DGKB: variants seen among roughly 807,000 people sequenced by gnomAD.
DGKB encodes the protein 90 kDa diacylglycerol kinase.
DGKB carries 67 observed loss-of-function variants against 114.3 expected under a neutral mutation model. The observed-to-expected ratio is 0.59, with a 90% CI of 0.48 to 0.72. The LOEUF (loss-of-function observed/expected upper bound fraction) is 0.72. Among genes scored for constraint, DGKB ranks in the 30% least tolerant of loss-of-function variants. DGKB has a pLI of 0.00. For synonymous variants in DGKB, 398 were observed against 323.1 expected (o/e 1.23, Z -2.49); for missense variants, 907 against 975.2 (o/e 0.93, Z 0.93).
intron 1 of DGKB, among the ~76,000 whole-genome samples, chr7:14,887,402 T>C (rs572710029): frequency 1.3e-5 from 2 of 151,834 alleles, no homozygotes; most frequent in Non-Finnish European, 2.9e-5. Context: ...CAGATTTCTC[T>C]ACCTCTTCTC....
rs151047030 is a variant in DGKB at position 14,758,920 on chromosome 7, G to C, written c.71-1189C>G. ...AGATAGATAGATAGATAGATAGATA[G>C]ATAGATAGATAGATACATAGATAGA... On this transcript the variant is annotated intron_variant, in intron 2 of 25. Coordinates refer to ENST00000402815, the MANE Select transcript of DGKB (RefSeq NM_001350709.2). Among the ~76,000 whole-genome samples the C allele has an allele frequency of 3.8e-5, 5 of 131,816 alleles. No homozygotes were observed. In the East Asian group the frequency reaches 8.7e-4, roughly 23 times the overall value. The allele number at this position is 131,816 out of a possible 152,430, so 86.5% of individuals were successfully genotyped here. A position where few individuals can be genotyped will look rare whatever the true frequency, so the allele number is the denominator to read the frequency against.
chr7:14,629,638 C>G (rs1205791090), intron 14 of DGKB, among the ~76,000 whole-genome samples: 1 of 151,944 alleles, frequency 6.6e-6, no homozygotes, highest in Non-Finnish European at 1.5e-5. Flanking sequence ...TTTGCATCAT[C>G]AATGCAAAGG....
upstream of DGKB, among the ~76,000 whole-genome samples, chr7:14,907,839 T>C (rs928574662): frequency 6.6e-6 from 1 of 152,154 alleles, no homozygotes; most frequent in Non-Finnish European, 1.5e-5. Context: ...CAATGATAAG[T>C]AATATTAATT....
chr7:14,314,664 C>T (rs1209391699), intron 23 of DGKB, among the ~76,000 whole-genome samples: 19 of 152,042 alleles, frequency 1.2e-4, no homozygotes, highest in Admixed American at 1.2e-3. Context: ...GACTGGTGTA[C>T]CTGAAAGTGA....
chr7:14,808,612 T>TA (rs1347066629), intron 2 of DGKB, among the ~76,000 whole-genome samples: 2 of 151,870 alleles, frequency 1.3e-5, no homozygotes, highest in African/African-American at 4.8e-5. Flanking sequence ...AATAATTGGG[T>TA]AAAAAATGAA....
chr7:14,601,828 T>A (rs1233328823), intron 17 of DGKB, among the ~76,000 whole-genome samples: 2 of 152,186 alleles, frequency 1.3e-5, no homozygotes, highest in Non-Finnish European at 2.9e-5. Context: ...GAAACCTCAT[T>A]ACAATGGCCT....
At chr7:14,457,695 T>C (rs112473080) in intron 21 of DGKB, among the ~76,000 whole-genome samples, 2 of 152,198 alleles carry the variant, frequency 1.3e-5, no homozygotes, top group African/African-American at 4.8e-5. Context: ...GTTCATCAAA[T>C]GGGATCAAAA....
intron 13 of DGKB, among the ~76,000 whole-genome samples, chr7:14,670,283 C>CTA (rs35058432): frequency 0.34 from 49,106 of 146,464 alleles, 8,597 homozygotes; most frequent in East Asian, 0.82. Context: ...GTATGTTATA[C>CTA]TATATATATA....
At position 14,227,007 on chromosome 7, in the gene DGKB, G is replaced by T. The variant is rs76633076; in HGVS notation, c.2123-48856C>A. Among the ~76,000 whole-genome samples the T allele has an allele frequency of 5.8e-3, 889 of 152,034 alleles. 6 individuals are homozygous for T. The highest frequency in any genetic ancestry group is 0.021 in the African/African-American group (858 of 41,502). On this transcript the variant is annotated intron_variant, in intron 23 of 25. Transcript: ENST00000402815. ...CTCACCTCCACCTTCTAAGTAACTGGGACTACAGGTGCCCGCACCGCACCA... is the reference window on the plus strand; with the variant it reads ...CTCACCTCCACCTTCTAAGTAACTGTGACTACAGGTGCCCGCACCGCACCA...
chr7:14,525,475 A>T (rs1212830566), intron 20 of DGKB, among the ~76,000 whole-genome samples: 2 of 152,204 alleles, frequency 1.3e-5, no homozygotes, highest in Non-Finnish European at 2.9e-5. Context: ...AAAGAGTGTT[A>T]TCAAGTTGTC....
At chr7:14,457,912 C>T (rs1338471988) in intron 21 of DGKB, among the ~76,000 whole-genome samples, 1 of 152,178 alleles carries the variant, frequency 6.6e-6, no homozygotes, top group Non-Finnish European at 1.5e-5. Context: ...GGCAACGCAA[C>T]ACAAATCAAA....
At chr7:14,918,147 C>T (rs1449575922) in intron 1 of DGKB, among the ~76,000 whole-genome samples, 1 of 152,094 alleles carries the variant, frequency 6.6e-6, no homozygotes, top group African/African-American at 2.4e-5. Flanking sequence ...TAACATCATA[C>T]TTAGTGATGA....
chr7:14,343,997 C>A (rs1403219852), intron 22 of DGKB, among the ~76,000 whole-genome samples: 1 of 145,784 alleles, frequency 6.9e-6, no homozygotes, highest in Non-Finnish European at 1.5e-5. Flanking sequence ...TTATTATATA[C>A]AATAATATAT....
rs143559478 is a variant in DGKB, at chr7:14,703,860, G to A, written c.467-2130C>T. Among the ~76,000 whole-genome samples, 806 of 152,154 alleles carry A rather than the reference G, an allele frequency of 5.3e-3. 6 individuals carry two copies. The highest frequency in any genetic ancestry group is 0.018 in the African/African-American group (749 of 41,510). On this transcript the variant is annotated intron_variant, in intron 6 of 25. Transcript: ENST00000402815. The stretch of plus-strand genomic sequence containing the variant: ...AAAAACAACCAGTTGAAATAAACCC[G>A]TTTCTATGTCTTTCCCAAGGATAGT...
At chr7:14,889,221 T>C (rs1473995950) in intron 1 of DGKB, among the ~76,000 whole-genome samples, 23 of 151,658 alleles carry the variant, frequency 1.5e-4, no homozygotes, top group Non-Finnish European at 1.5e-5. Flanking sequence ...AGATGCTCCC[T>C]GAGGCTTTAT....
intron 13 of DGKB, among the ~76,000 whole-genome samples, chr7:14,662,195 T>G (rs565342067): frequency 7.6e-6 from 1 of 131,806 alleles, no homozygotes; most frequent in Non-Finnish European, 1.6e-5. Flanking sequence ...CCCTAAAACT[T>G]AAAGTATAAT....
chr7:14,754,071 A>G (rs17168389), intron 3 of DGKB, 123 bp from the exon 4 acceptor site: 62,434 of 649,210 alleles, frequency 0.096, 3,992 homozygotes, highest in East Asian at 0.26. Flanking sequence ...AACACACCCT[A>G]GATCCATAGG....
chr7:14,531,989 A>T (rs1193409044), intron 20 of DGKB, among the ~76,000 whole-genome samples: 1 of 151,376 alleles, frequency 6.6e-6, no homozygotes, highest in Non-Finnish European at 1.5e-5. Flanking sequence ...AAATGAAGTT[A>T]GGCCTTCCCT....
chr7:14,894,943 A>C (rs1165320600), intron 1 of DGKB, among the ~76,000 whole-genome samples: 1 of 151,588 alleles, frequency 6.6e-6, no homozygotes, highest in Non-Finnish European at 1.5e-5. Context: ...TATCATGACA[A>C]ACAACATTAT....
Sources: gnomAD v4.1 joint callset for allele counts (sites outside exome capture counted in the v4.1 genomes callset) on GRCh38, gnomAD v4.1.1 for gene constraint, MANE v1.5 for transcripts, NCBI Gene and HGNC (gene_info 2026-07-23, HGNC 2026-07-21) for gene names.